Variants in RFX8 observed in about 807,000 individuals in gnomAD.
RFX8 encodes the protein regulatory factor X8.
In RFX8, 46 loss-of-function variants were observed where a neutral mutation model predicts 54.6. The ratio of observed to expected loss-of-function variants is 0.84; its 90% CI spans 0.67 to 1.08. RFX8 has a LOEUF of 1.08. Among genes scored for constraint, RFX8 ranks in the 50% least tolerant of loss-of-function variants. RFX8 has a pLI of 0.00. For missense variants in RFX8, 536 were observed against 562.3 expected (o/e 0.95, Z 0.47); for synonymous variants, 192 against 209.5 (o/e 0.92, Z 0.72).
intron 7 of RFX8, among the ~76,000 whole-genome samples, chr2:101,414,107 T>A (rs1399518766): frequency 6.6e-6 from 1 of 152,086 alleles, no homozygotes; most frequent in Non-Finnish European, 1.5e-5. Context: ...ATTGAAAAGG[T>A]CAGAGCTGAA....
chr2:101,467,854 C>T (rs977675), intron 1 of RFX8, among the ~76,000 whole-genome samples: 150,773 of 152,080 alleles, frequency 0.99, 74,770 homozygotes, highest in Middle Eastern at 1. Context: ...CCCGGTGGGA[C>T]AGACCATCGT....
rs558601494 is a variant in RFX8, at chr2:101,424,845, A to G, written c.73-2373T>C. Among the ~76,000 whole-genome samples the G allele has an allele frequency of 6.6e-5, 10 of 152,258 alleles. No homozygotes were observed. In the South Asian group the frequency reaches 2.1e-3, roughly 32 times the overall value. The stretch of plus-strand genomic sequence containing the variant: ...AACACTTGGACACAGGGCGGGGAAC[A>G]TCACACACCAGGGCCCGTCAGGGGG... On this transcript the variant is annotated intron_variant, in intron 2 of 11. Transcript: ENST00000428343.
chr2:101,417,091 C>A (rs1273732857), intron 6 of RFX8, among the ~76,000 whole-genome samples: 1 of 152,200 alleles, frequency 6.6e-6, no homozygotes, highest in Non-Finnish European at 1.5e-5. Flanking sequence ...AGCCAGAAAC[C>A]CTGAGCAGGC....
At chr2:101,457,064 T>C (rs886155702) in intron 2 of RFX8, among the ~76,000 whole-genome samples, 2 of 152,212 alleles carry the variant, frequency 1.3e-5, no homozygotes, top group African/African-American at 4.8e-5. Context: ...CCCTTTATCA[T>C]TGTTTATTGC....
At chr2:101,457,970 T>G (rs962196369) in intron 2 of RFX8, among the ~76,000 whole-genome samples, 5 of 152,254 alleles carry the variant, frequency 3.3e-5, no homozygotes, top group African/African-American at 1.2e-4. Flanking sequence ...GTAATGGCCT[T>G]CTTTGTCTCT....
chr2:101,470,709 C>CTTT (rs537834632), intron 1 of RFX8, among the ~76,000 whole-genome samples: 24 of 105,538 alleles, frequency 2.3e-4, no homozygotes, highest in African/African-American at 4.7e-4. Context: ...TCTGAGTACT[C>CTTT]TTTTTTTTTT....
chr2:101,432,402 A>G (rs1429659641), intron 2 of RFX8, among the ~76,000 whole-genome samples: 3 of 152,180 alleles, frequency 2.0e-5, no homozygotes, highest in African/African-American at 7.2e-5. Context: ...GATTCAGAGG[A>G]GTGAACACCG....
Position 101,474,802 on chromosome 2 carries a change from A to T in RFX8, c.-219T>A, listed in dbSNP as rs1448058221. 1 of 135,028 alleles carries T rather than the reference A, an allele frequency of 7.4e-6. No individual in the cohort carries two copies. Among genetic ancestry groups the T allele is most frequent in the Non-Finnish European group, 1.6e-5 (1 of 64,006 alleles). The allele number at this position is 135,028 out of a possible 1,614,324, so 8.4% of individuals were successfully genotyped here. On this transcript the variant is annotated 5_prime_UTR_variant, in exon 1 of 12. Transcript: ENST00000428343. The stretch of plus-strand genomic sequence containing the variant: ...AGGTTCTGATGAATTGGTCTGGGCG[A>T]GGGCCGCCTGGGCCAACCGGCTTTT...
intron 11 of RFX8, 111 bp downstream of exon 11, chr2:101,402,325 T>C: frequency 1.0e-6 from 1 of 955,686 alleles, no homozygotes; most frequent in Non-Finnish European, 1.5e-6. Flanking sequence ...AAGATGACTG[T>C]AGAATCGTTT....
intron 2 of RFX8, among the ~76,000 whole-genome samples, chr2:101,436,243 C>T (rs1195932458): frequency 2.0e-5 from 3 of 152,158 alleles, no homozygotes; most frequent in Admixed American, 1.3e-4. Context: ...AGATTCTATG[C>T]TTCTTTGGAG....
At chr2:101,472,314 C>G (rs1167117764) in intron 1 of RFX8, among the ~76,000 whole-genome samples, 1 of 152,164 alleles carries the variant, frequency 6.6e-6, no homozygotes, top group African/African-American at 2.4e-5. Context: ...GTTAGCCAGG[C>G]TGGTCTCAAA....
intron 2 of RFX8, among the ~76,000 whole-genome samples, chr2:101,458,997 C>G (rs1333583558): frequency 6.6e-6 from 1 of 152,128 alleles, no homozygotes; most frequent in African/African-American, 2.4e-5. Flanking sequence ...TCCACTTGAT[C>G]GAATTGGCTA....
intron 1 of RFX8, among the ~76,000 whole-genome samples, chr2:101,471,984 G>A (rs889605560): frequency 1.3e-5 from 2 of 151,964 alleles, no homozygotes; most frequent in East Asian, 1.9e-4. Flanking sequence ...CAGACCCCTC[G>A]CCCTGCACTA....
chr2:101,443,214 C>T (rs1688194974), intron 2 of RFX8, among the ~76,000 whole-genome samples: 1 of 152,104 alleles, frequency 6.6e-6, no homozygotes, highest in Non-Finnish European at 1.5e-5. Context: ...GTCCTGGGTC[C>T]CAAACCAGCT....
chr2:101,439,549 CATTAT>C (rs1441795634), intron 2 of RFX8, among the ~76,000 whole-genome samples: 5 of 148,872 alleles, frequency 3.4e-5, no homozygotes, highest in African/African-American at 7.4e-5. Flanking sequence ...TTTTCATATA[CATTAT>C]GAGTTAATTT....
chr2:101,401,405 G>C (rs1159278561), intron 11 of RFX8, among the ~76,000 whole-genome samples: 2 of 152,132 alleles, frequency 1.3e-5, no homozygotes, highest in African/African-American at 2.4e-5. Flanking sequence ...GAAGGTTCCT[G>C]TTATTCTGCG....
chr2:101,413,185 G>A (rs1308511886), intron 7 of RFX8, 114 bp from the exon 8 acceptor site: 3 of 747,496 alleles, frequency 4.0e-6, no homozygotes, highest in South Asian at 1.6e-5. Context: ...ACATTGATGT[G>A]GATATTACCC....
intron 2 of RFX8, among the ~76,000 whole-genome samples, chr2:101,465,212 AGG>A (rs1689505773): frequency 1.3e-5 from 2 of 152,192 alleles, no homozygotes; most frequent in African/African-American, 4.8e-5. Context: ...ATAGAACTGC[AGG>A]TCAAAACTGA....
chr2:101,429,140 C>G, intron 2 of RFX8: 1 of 628,692 alleles, frequency 1.6e-6, no homozygotes, highest in Non-Finnish European at 2.8e-6. Context: ...TTGAAAAACC[C>G]TCTGCCATGT....
Sources: gnomAD v4.1 joint callset for allele counts (sites outside exome capture counted in the v4.1 genomes callset) on GRCh38, gnomAD v4.1.1 for gene constraint, MANE v1.5 for transcripts, NCBI Gene and HGNC (gene_info 2026-07-23, HGNC 2026-07-21) for gene names.